The following HECW2 variants were observed in gnomAD, a reference collection of about 807,000 sequenced individuals.
HECW2 encodes the protein E3 ubiquitin-protein ligase HECW2.
HECW2 carries 61 observed loss-of-function variants against 175.2 expected under a neutral mutation model. That is an observed-to-expected ratio of 0.35 (90% confidence interval 0.28 to 0.43). The LOEUF is 0.43. Among genes scored for constraint, HECW2 ranks in the 20% least tolerant of loss-of-function variants. HECW2 has a pLI of 1.00. For missense variants in HECW2, 1,524 were observed against 2,000.5 expected (o/e 0.76, Z 4.54); for synonymous variants, 671 against 731.0 (o/e 0.92, Z 1.32).
Position 196,470,821 on chromosome 2 carries a change from G to A in HECW2, c.-35-37363C>T, listed in dbSNP as rs1008511441. On this transcript the variant is annotated intron_variant, in intron 1 of 28. Transcript: ENST00000644978. ...CATTTTTTAAAAGTGAAGACAGGTC[G>A]CAGGCATCTATAATAGATAACTGGT... 6.6e-5 allele frequency among the ~76,000 whole-genome samples: 10 copies of A among 151,916 alleles called. No homozygotes were observed. The South Asian group carries it at 8.3e-4, about 13-fold the overall frequency.
rs1469939410 is a variant in HECW2 at position 196,236,453 on chromosome 2, A to G, written c.3764+3996T>C. On this transcript the variant is annotated intron_variant, in intron 21 of 28. Coordinates refer to ENST00000644978, the MANE Select transcript of HECW2 (RefSeq NM_001348768.2). ...GATTAACATCTTACATTAGTATAAT[A>G]CATTTGTTATAATTAATAAACCAAT... Among the ~76,000 whole-genome samples the G allele has an allele frequency of 7.2e-5, 11 of 151,842 alleles. No individual in the cohort carries two copies. The East Asian group carries it at 2.1e-3, about 29-fold the overall frequency.
chr2:196,205,389 T>A (rs948550146), intron 28 of HECW2, among the ~76,000 whole-genome samples: 1 of 152,238 alleles, frequency 6.6e-6, no homozygotes, highest in Non-Finnish European at 1.5e-5. Context: ...ATTAATTTTA[T>A]CCTACCTCTG....
At chr2:196,417,663 GCTGAC>G (rs1695291714) in intron 2 of HECW2, among the ~76,000 whole-genome samples, 1 of 152,176 alleles carries the variant, frequency 6.6e-6, no homozygotes, top group Non-Finnish European at 1.5e-5. Context: ...CCTTACATAT[GCTGAC>G]CAGTAACCTT....
At chr2:196,547,228 A>G (rs1326225712) in intron 1 of HECW2, among the ~76,000 whole-genome samples, 1 of 152,178 alleles carries the variant, frequency 6.6e-6, no homozygotes, top group Non-Finnish European at 1.5e-5. Flanking sequence ...CTTCAGGGGC[A>G]CCCCAGCATT....
intron 2 of HECW2, among the ~76,000 whole-genome samples, chr2:196,431,304 C>T (rs1031383735): frequency 5.9e-5 from 9 of 152,048 alleles, no homozygotes; most frequent in African/African-American, 1.9e-4. Flanking sequence ...AGATTCATTG[C>T]GGTTGGAATT....
intron 1 of HECW2, among the ~76,000 whole-genome samples, chr2:196,456,236 G>T (rs957825033): frequency 2.0e-5 from 3 of 152,130 alleles, no homozygotes; most frequent in Non-Finnish European, 2.9e-5. Flanking sequence ...TATTCTAGAA[G>T]ATTTCCCAAG....
chr2:196,556,191 T>C lies in HECW2; in HGVS notation c.-36+37317A>G, dbSNP rs148430271. ...GTATAATTGACAAATGAAAATTCTG[T>C]ATATTTAAAGAGTACATGATGTTTT... On this transcript the variant is annotated intron_variant, in intron 1 of 28. Coordinates refer to ENST00000644978, the MANE Select transcript of HECW2 (RefSeq NM_001348768.2). Among the ~76,000 whole-genome samples the C allele has an allele frequency of 4.9e-3, 740 of 152,354 alleles. 6 individuals are homozygous for C. Among genetic ancestry groups the C allele is most frequent in the Middle Eastern group, 0.014 (4 of 294 alleles).
chr2:196,295,207 G>A (rs548751114), intron 13 of HECW2, among the ~76,000 whole-genome samples: 41 of 152,258 alleles, frequency 2.7e-4, no homozygotes, highest in African/African-American at 8.9e-4. Flanking sequence ...GCCTATGCAT[G>A]GGCTCTGGGC....
chr2:196,396,094 C>T (rs944917332), intron 2 of HECW2, among the ~76,000 whole-genome samples: 7 of 152,196 alleles, frequency 4.6e-5, no homozygotes, highest in Middle Eastern at 3.4e-3. Flanking sequence ...GAAGATATTA[C>T]GCTAAGTGAT....
At chr2:196,291,727 G>C (rs1196184634) in intron 14 of HECW2, 1 of 152,188 alleles carries the variant, frequency 6.6e-6, no homozygotes, top group East Asian at 1.9e-4. Flanking sequence ...GTGATGTCAG[G>C]CAAGTCACTG....
intron 17 of HECW2, chr2:196,269,516 A>AAAAAAAAAAT: frequency 6.6e-6 from 1 of 151,086 alleles, no homozygotes; most frequent in Non-Finnish European, 1.5e-5. Context: ...AAAAAAAAAA[A>AAAAAAAAAAT]AAAAAGACAT....
At chr2:196,385,806 G>A (rs1559080687) in intron 2 of HECW2, among the ~76,000 whole-genome samples, 1 of 151,838 alleles carries the variant, frequency 6.6e-6, no homozygotes, top group Non-Finnish European at 1.5e-5. Context: ...CATGGGTTTT[G>A]TTTTTTTTCC....
intron 18 of HECW2, among the ~76,000 whole-genome samples, chr2:196,256,517 T>A (rs1208263708): frequency 6.6e-6 from 1 of 152,194 alleles, no homozygotes; most frequent in Non-Finnish European, 1.5e-5. Context: ...CATCTAAATA[T>A]TATTTAACTA....
In HECW2 at chr2:196,254,123, G is replaced by A. The variant is rs373952032; in HGVS notation, c.3420-94C>T. The A allele has an allele frequency of 1.7e-5, 26 of 1,515,396 alleles. No homozygotes were observed. The African/African-American group carries it at 2.5e-4, about 14-fold the overall frequency. The allele number at this position is 1,515,396 out of a possible 1,614,324, so 93.9% of individuals were successfully genotyped here. A position where few individuals can be genotyped will look rare whatever the true frequency, so the allele number is the denominator to read the frequency against. On this transcript the variant is annotated intron_variant, in intron 18 of 28. Transcript: ENST00000644978. ...GAGTAGAATATTCCATCCAAGATCC[G>A]GTTTATATCCCAAAGAGAGCATCCG... is the stretch of plus-strand genomic sequence containing the variant.
intron 1 of HECW2, among the ~76,000 whole-genome samples, chr2:196,559,618 C>A (rs1275716720): frequency 1.3e-5 from 2 of 152,096 alleles, no homozygotes; most frequent in Non-Finnish European, 2.9e-5. Flanking sequence ...GAGGCATGGC[C>A]CCAGCTAAAG....
At chr2:196,420,058 G>T (rs1328740091) in intron 2 of HECW2, among the ~76,000 whole-genome samples, 1 of 152,178 alleles carries the variant, frequency 6.6e-6, no homozygotes, top group African/African-American at 2.4e-5. Flanking sequence ...TGAAGGAAGA[G>T]AAATATCATG....
At chr2:196,556,966 A>G (rs1485561155) in intron 1 of HECW2, among the ~76,000 whole-genome samples, 1 of 152,242 alleles carries the variant, frequency 6.6e-6, no homozygotes, top group Admixed American at 6.5e-5. Context: ...CTCCCACAAA[A>G]TGTTCAAAGG....
chr2:196,378,690 A>G (rs1569151), intron 2 of HECW2, among the ~76,000 whole-genome samples: 152,235 of 152,328 alleles, frequency 1, 76,071 homozygotes, highest in Non-Finnish European at 1. Flanking sequence ...AGGTACTAAC[A>G]AGCCATGAGG....
intron 1 of HECW2, among the ~76,000 whole-genome samples, chr2:196,436,716 T>A (rs535228042): frequency 1.3e-5 from 2 of 151,650 alleles, no homozygotes; most frequent in South Asian, 4.2e-4. Flanking sequence ...ACCATAAAGC[T>A]GCAGTGTATG....
Sources: gnomAD v4.1 joint callset for allele counts (sites outside exome capture counted in the v4.1 genomes callset) on GRCh38, gnomAD v4.1.1 for gene constraint, MANE v1.5 for transcripts, NCBI Gene and HGNC (gene_info 2026-07-23, HGNC 2026-07-21) for gene names.